The following FER variants were observed in gnomAD, a reference collection of about 807,000 sequenced individuals.
The protein encoded by FER is FER tyrosine kinase.
Under a neutral mutation model 111.0 loss-of-function variants are expected in FER, and 63 were observed. The ratio of observed to expected loss-of-function variants is 0.57; its 90% CI spans 0.46 to 0.70. The LOEUF (loss-of-function observed/expected upper bound fraction) is 0.70, where lower values mean the gene tolerates loss of function less well. Among genes scored for constraint, FER ranks in the 30% least tolerant of loss-of-function variants. The probability of loss-of-function intolerance (pLI) is 0.00; values close to 1 mark genes in which losing one functional copy is unlikely to be tolerated. For synonymous variants in FER, 327 were observed against 313.9 expected (o/e 1.04, Z -0.44); for missense variants, 914 against 954.0 (o/e 0.96, Z 0.55).
intron 13 of FER, among the ~76,000 whole-genome samples, chr5:108,965,728 C>A (rs944740093): frequency 6.6e-6 from 1 of 152,100 alleles, no homozygotes; most frequent in Non-Finnish European, 1.5e-5. Flanking sequence ...TGATTAATGT[C>A]AATAGCTTAA....
At chr5:108,786,353 G>A (rs977249190) in intron 2 of FER, among the ~76,000 whole-genome samples, 8 of 152,188 alleles carry the variant, frequency 5.3e-5, no homozygotes, top group Admixed American at 3.9e-4. Context: ...TATCCAGTGT[G>A]AAGTCTCAGG....
At chr5:108,883,312 A>T (rs1223698132) in intron 8 of FER, 84 bp from the exon 9 acceptor site, 1 of 1,317,596 alleles carries the variant, frequency 7.6e-7, no homozygotes, top group Non-Finnish European at 1.0e-6. Context: ...GGACATTGCA[A>T]CATAAGATGT....
Position 108,798,227 on chromosome 5 carries a change from A to G in FER, c.45A>G (p.Leu15=). 6.2e-7 allele frequency: 1 copy of G among 1,614,140 alleles called. No homozygotes were observed. The highest frequency in any genetic ancestry group is 8.5e-7 in the Non-Finnish European group (1 of 1,180,012). The change falls in exon 3 of 20, where the codon TTA becomes TTG. Residue 15 remains leucine, a synonymous_variant. Transcript: ENST00000281092. ...SDLKNSHEAV[L]KLQDWELRLL... is the part of the protein sequence containing the mutation. ...TGAAGAATTCACATGAAGCAGTGTT[A>G]AAATTGCAAGACTGGGAATTACGGT...
chr5:108,796,339 C>T (rs1580585863), intron 2 of FER, among the ~76,000 whole-genome samples: 1 of 152,220 alleles, frequency 6.6e-6, no homozygotes, highest in East Asian at 1.9e-4. Context: ...CAGCGCAGCA[C>T]TGGGTCATGC....
chr5:108,845,041 CATATATATATATATATATAT>C (rs1232663960), intron 5 of FER, among the ~76,000 whole-genome samples: 45 of 46,408 alleles, frequency 9.7e-4, no homozygotes, highest in African/African-American at 2.6e-3. Context: ...TATATATATA[CATATATATATATATATATAT>C]ATATATACAC....
At chr5:108,970,551 A>G (rs1011410631) in intron 13 of FER, among the ~76,000 whole-genome samples, 12 of 152,128 alleles carry the variant, frequency 7.9e-5, no homozygotes, top group African/African-American at 2.4e-4. Flanking sequence ...TTTACAGCCA[A>G]TAAGTTGGTT....
chr5:108,887,703 C>G (rs1421871515), intron 9 of FER, among the ~76,000 whole-genome samples: 1 of 151,624 alleles, frequency 6.6e-6, no homozygotes, highest in African/African-American at 2.4e-5. Context: ...TTTAATCCAA[C>G]ACAGAATATC....
chr5:109,053,048 C>T (rs1052627877), intron 16 of FER, among the ~76,000 whole-genome samples: 4 of 152,074 alleles, frequency 2.6e-5, no homozygotes, highest in Non-Finnish European at 4.4e-5. Flanking sequence ...TGATATAATT[C>T]ATTATGTAAT....
chr5:108,935,047 C>T (rs1401324109), intron 10 of FER, among the ~76,000 whole-genome samples: 1 of 152,030 alleles, frequency 6.6e-6, no homozygotes, highest in East Asian at 1.9e-4. Context: ...GGTGATTTTT[C>T]TTTTCTTAGA....
Position 108,942,285 on chromosome 5 carries a change from T to TA in FER, c.1237-3845_1237-3844insA, listed in dbSNP as rs1756380525. Among the ~76,000 whole-genome samples, 4 of 152,276 alleles carry TA rather than the reference T, an allele frequency of 2.6e-5. No homozygotes were observed. In the South Asian group the frequency reaches 8.3e-4, roughly 32 times the overall value. ...GAATGATTTATGACATTTTACAACC[T>TA]GGATCTCACCGAACTCTATTCTGTT... is the stretch of plus-strand genomic sequence containing the variant. On this transcript the variant is annotated intron_variant, in intron 10 of 19. Coordinates refer to ENST00000281092, the MANE Select transcript of FER (RefSeq NM_005246.4).
In FER at chr5:108,798,133, G is replaced by T; in HGVS notation, c.-50G>T. On this transcript the variant is annotated 5_prime_UTR_variant, in exon 3 of 20. It removes the in-frame stop codon of an upstream open reading frame in the 5' UTR. Coordinates refer to ENST00000281092, the MANE Select transcript of FER (RefSeq NM_005246.4). ...TTGTTTACATACACAGATATGTGCT[G>T]ATTAGAAGGCTCACTTGTGCAGTGT... The T allele has an allele frequency of 7.1e-7, 1 of 1,400,738 alleles. No individual in the cohort carries two copies. The highest frequency in any genetic ancestry group is 1.2e-5 in the South Asian group (1 of 85,368). 86.8% of individuals were successfully genotyped at this position (1,400,738 alleles called of 1,614,324 possible). A position where few individuals can be genotyped will look rare whatever the true frequency, so the allele number is the denominator to read the frequency against.
intron 17 of FER, among the ~76,000 whole-genome samples, chr5:109,102,727 A>G (rs1748402416): frequency 6.6e-6 from 1 of 152,152 alleles, no homozygotes; most frequent in East Asian, 1.9e-4. Flanking sequence ...ATTTTATGAT[A>G]TCTCCCAACT....
At chr5:108,941,851 G>C (rs888761271) in intron 10 of FER, among the ~76,000 whole-genome samples, 3 of 152,156 alleles carry the variant, frequency 2.0e-5, no homozygotes, top group Non-Finnish European at 4.4e-5. Context: ...TTGGCTACAT[G>C]TTGTTAAACA....
chr5:109,006,880 A>G (rs1010082382), intron 13 of FER, among the ~76,000 whole-genome samples: 5 of 152,324 alleles, frequency 3.3e-5, no homozygotes, highest in African/African-American at 7.2e-5. Flanking sequence ...TATTAAAGCA[A>G]TATATTGATA....
In FER at chr5:108,930,759, G is replaced by A. The variant is rs1338487778; in HGVS notation, c.1237-15371G>A. ...TTTCTGAGTAGCTGGGAGTACAGGT[G>A]AGCAACAGTACACTCTACTGATTTT... On this transcript the variant is annotated intron_variant, in intron 10 of 19. Coordinates refer to ENST00000281092, the MANE Select transcript of FER (RefSeq NM_005246.4). Among the ~76,000 whole-genome samples, 7 of 149,982 alleles carry A rather than the reference G, an allele frequency of 4.7e-5. No individual in the cohort carries two copies. In the East Asian group the frequency reaches 1.4e-3, roughly 31 times the overall value.
At chr5:109,173,784 C>T (rs1426142903) in intron 17 of FER, among the ~76,000 whole-genome samples, 2 of 140,876 alleles carry the variant, frequency 1.4e-5, no homozygotes, top group African/African-American at 2.6e-5. Flanking sequence ...AACATACATG[C>T]ATTTTAACAG....
intron 10 of FER, among the ~76,000 whole-genome samples, chr5:108,920,323 A>G (rs1479675381): frequency 6.6e-6 from 1 of 152,084 alleles, no homozygotes; most frequent in African/African-American, 2.4e-5. Context: ...TGTTATAATT[A>G]TTTTAAATTG....
intron 17 of FER, among the ~76,000 whole-genome samples, chr5:109,141,382 G>A (rs10055161): frequency 0.39 from 59,100 of 151,936 alleles, 11,712 homozygotes; most frequent in Non-Finnish European, 0.41. Context: ...GGCTTGATTG[G>A]TGGTTCACTA....
At chr5:109,121,388 T>C (rs573065647) in intron 17 of FER, among the ~76,000 whole-genome samples, 2 of 152,292 alleles carry the variant, frequency 1.3e-5, no homozygotes, top group South Asian at 2.1e-4. Flanking sequence ...TGATGTGATA[T>C]GTCACATTGA....
Sources: gnomAD v4.1 joint callset for allele counts (sites outside exome capture counted in the v4.1 genomes callset) on GRCh38, gnomAD v4.1.1 for gene constraint, MANE v1.5 for transcripts, NCBI Gene and HGNC (gene_info 2026-07-23, HGNC 2026-07-21) for gene names.